ATXN1: variants seen among roughly 807,000 people sequenced by gnomAD.
ATXN1 encodes the protein ataxin 1, also known as ataxin-1.
A neutral mutation model predicts 56.4 loss-of-function variants in ATXN1; 8 were observed. That is an observed-to-expected ratio of 0.14 (90% CI 0.08 to 0.26). The LOEUF (loss-of-function observed/expected upper bound fraction) is 0.26, where lower values mean the gene tolerates loss of function less well. Among genes scored for constraint, ATXN1 ranks in the 10% least tolerant of loss-of-function variants. The probability of loss-of-function intolerance (pLI) is 1.00; values close to 1 mark genes in which losing one functional copy is unlikely to be tolerated. For synonymous variants in ATXN1, 514 were observed against 494.6 expected, an observed-to-expected ratio of 1.04 and a Z score of -0.52; for missense variants, 987 against 1,106.5, an observed-to-expected ratio of 0.89 and a Z score of 1.53.
chr6:16,607,232 A>G (rs548602297), intron 3 of ATXN1, among the ~76,000 whole-genome samples: 3 of 152,150 alleles, frequency 2.0e-5, no homozygotes, highest in Non-Finnish European at 4.4e-5. Flanking sequence ...TGGCCTTGGG[A>G]AAGTTATACC....
chr6:16,465,565 G>A (rs1057411005), intron 6 of ATXN1, among the ~76,000 whole-genome samples: 4 of 152,172 alleles, frequency 2.6e-5, no homozygotes, highest in African/African-American at 9.7e-5. Flanking sequence ...CCAAGAACTA[G>A]GAGGATGCAA....
chr6:16,494,116 TCTCCAGTGCAGGGCTGGACTGAGAGGC>T (rs1760726405), intron 5 of ATXN1, among the ~76,000 whole-genome samples: 2 of 150,252 alleles, frequency 1.3e-5, no homozygotes, highest in African/African-American at 2.5e-5. Context: ...CTGAGAGGCA[TCTCCAGTGCAGGGCTGGACTGAGAGGC>T]ATCTCCAGTG....
chr6:16,672,259 C>A (rs577555958), intron 2 of ATXN1, among the ~76,000 whole-genome samples: 1 of 152,292 alleles, frequency 6.6e-6, no homozygotes, highest in South Asian at 2.1e-4. Flanking sequence ...TTTTCAACAT[C>A]CTCCAAATGT....
In ATXN1 at chr6:16,565,733, A is replaced by G. The variant is rs150751950; in HGVS notation, c.-361+20047T>C. 7.0e-4 allele frequency among the ~76,000 whole-genome samples: 107 copies of G among 152,332 alleles called. 1 individual carries two copies. The highest frequency in any genetic ancestry group is 2.4e-3 in the African/African-American group (101 of 41,574). On this transcript the variant is annotated intron_variant, in intron 4 of 7. Transcript: ENST00000436367. ...AAAAATTTCCAGGTAAACCATGTTA[A>G]TATCTAGGGTTAATAAAGTCTCTTT... is the stretch of plus-strand genomic sequence containing the variant.
chr6:16,706,447 G>A (rs1376469086), intron 2 of ATXN1, among the ~76,000 whole-genome samples: 3 of 152,122 alleles, frequency 2.0e-5, no homozygotes, highest in Non-Finnish European at 2.9e-5. Flanking sequence ...AGAGAGGGCC[G>A]GGCACAGTGG....
chr6:16,512,869 G>A (rs1761108870), intron 5 of ATXN1, among the ~76,000 whole-genome samples: 8 of 152,184 alleles, frequency 5.3e-5, no homozygotes, highest in Admixed American at 5.2e-4. Flanking sequence ...ATGACAACAA[G>A]CAGCACTTTC....
intron 6 of ATXN1, among the ~76,000 whole-genome samples, chr6:16,370,811 GAAGTA>G (rs1762025114): frequency 6.6e-6 from 1 of 152,204 alleles, no homozygotes; most frequent in Admixed American, 6.5e-5. Flanking sequence ...AAGGAAGAAT[GAAGTA>G]AAGCCAGAAA....
At chr6:16,352,470 T>C (rs887729650) in intron 6 of ATXN1, among the ~76,000 whole-genome samples, 3 of 152,098 alleles carry the variant, frequency 2.0e-5, no homozygotes, top group Non-Finnish European at 4.4e-5. Flanking sequence ...ACAAAACGCA[T>C]GGATTTACAA....
intron 1 of ATXN1, chr6:16,761,068 A>T (rs1761082467): frequency 4.0e-5 from 7 of 174,790 alleles, no homozygotes; most frequent in Middle Eastern, 4.4e-3. Context: ...ACACACATAC[A>T]CACACACACA....
intron 6 of ATXN1, among the ~76,000 whole-genome samples, chr6:16,423,984 T>C (rs778607397): frequency 2.0e-5 from 3 of 152,246 alleles, no homozygotes; most frequent in Non-Finnish European, 4.4e-5. Context: ...TAGCAGTTTG[T>C]AGGAATTTAT....
chr6:16,714,205 A>T (rs1213167517), intron 2 of ATXN1, among the ~76,000 whole-genome samples: 4 of 149,952 alleles, frequency 2.7e-5, no homozygotes, highest in Non-Finnish European at 5.9e-5. Flanking sequence ...ACACACACAC[A>T]CACACACACA....
intron 1 of ATXN1, chr6:16,754,040 T>C (rs889553452): frequency 1.3e-5 from 2 of 152,238 alleles, no homozygotes; most frequent in African/African-American, 2.4e-5. Flanking sequence ...ATCTTCCATA[T>C]ACCTTTCCAT....
chr6:16,641,441 C>A (rs992386461), intron 3 of ATXN1, among the ~76,000 whole-genome samples: 1 of 152,186 alleles, frequency 6.6e-6, no homozygotes, highest in African/African-American at 2.4e-5. Flanking sequence ...TCCTAGAGCC[C>A]TAATAATTAT....
At chr6:16,337,243 G>A (rs567651816) in intron 6 of ATXN1, among the ~76,000 whole-genome samples, 1 of 152,362 alleles carries the variant, frequency 6.6e-6, no homozygotes, top group East Asian at 1.9e-4. Flanking sequence ...TATTCGTAGT[G>A]AGCAGATGAC....
intron 5 of ATXN1, among the ~76,000 whole-genome samples, chr6:16,514,368 G>C (rs1387440468): frequency 6.6e-6 from 1 of 152,162 alleles, no homozygotes; most frequent in African/African-American, 2.4e-5. Flanking sequence ...CAGAGCCATA[G>C]GGAGGCTGCG....
At chr6:16,617,779 A>AAAAAAAG (rs1241169996) in intron 3 of ATXN1, among the ~76,000 whole-genome samples, 4 of 151,582 alleles carry the variant, frequency 2.6e-5, no homozygotes, top group Admixed American at 1.3e-4. Flanking sequence ...AAAAAAAAAA[A>AAAAAAAG]AAAGAAATAT....
intron 4 of ATXN1, among the ~76,000 whole-genome samples, chr6:16,583,310 G>A (rs187298333): frequency 2.6e-5 from 4 of 152,288 alleles, no homozygotes; most frequent in Admixed American, 6.5e-5. Flanking sequence ...CGTACACGTC[G>A]TTCTGTGTTT....
intron 4 of ATXN1, among the ~76,000 whole-genome samples, chr6:16,543,101 C>T (rs1003552689): frequency 1.3e-5 from 2 of 152,142 alleles, no homozygotes; most frequent in African/African-American, 4.8e-5. Context: ...CACAGCATGT[C>T]CACAAATGGC....
intron 6 of ATXN1, among the ~76,000 whole-genome samples, chr6:16,360,434 C>T (rs1761785162): frequency 6.6e-6 from 1 of 152,150 alleles, no homozygotes; most frequent in African/African-American, 2.4e-5. Context: ...AAATAATGTG[C>T]TTGAATAACA....
Sources: allele counts gnomAD v4.1 joint callset (sites outside exome capture counted in the v4.1 genomes callset), GRCh38; gene constraint gnomAD v4.1.1; transcripts MANE v1.5; gene names NCBI Gene and HGNC (gene_info 2026-07-23, HGNC 2026-07-21).